Variants in CNOT11 observed in about 807,000 individuals in gnomAD.
The protein encoded by CNOT11 is CCR4-NOT transcription complex subunit 11.
A neutral mutation model predicts 44.6 loss-of-function variants in CNOT11; 18 were observed. That is an observed-to-expected ratio of 0.40 (90% CI 0.28 to 0.60). The LOEUF (loss-of-function observed/expected upper bound fraction) is 0.60, where lower values mean the gene tolerates loss of function less well. CNOT11 is among the 20% of genes least tolerant of loss of function. The pLI, the probability that CNOT11 is intolerant of heterozygous loss-of-function variation, is 0.38. For missense variants in CNOT11, 513 were observed against 677.0 expected (o/e 0.76, Z 2.69); for synonymous variants, 291 against 270.9 (o/e 1.07, Z -0.73).
In CNOT11 at chr2:101,259,568, C is replaced by G. The variant is rs370830902; in HGVS notation, c.679+1613C>G. Among the ~76,000 whole-genome samples the G allele has an allele frequency of 6.6e-5, 10 of 152,294 alleles. No homozygotes were observed. In the East Asian group the frequency reaches 1.5e-3, roughly 24 times the overall value. ...TCAACAGGGAAATTGTAATATGTAG[C>G]TGGGTTTGTGAACCCTTGACTTTGT... On this transcript the variant is annotated intron_variant, in intron 2 of 6. Transcript: ENST00000289382.
chr2:101,253,575 T>G lies in CNOT11; in HGVS notation c.514+97T>G. 1 of 1,098,130 alleles carries G rather than the reference T, an allele frequency of 9.1e-7. No individual in the cohort carries two copies. The highest frequency in any genetic ancestry group is 1.2e-6 in the Non-Finnish European group (1 of 815,378). 68.0% of individuals were successfully genotyped at this position (1,098,130 alleles called of 1,614,324 possible). On this transcript the variant is annotated intron_variant, in intron 1 of 6. Coordinates refer to ENST00000289382, the MANE Select transcript of CNOT11 (RefSeq NM_017546.5). The surrounding 1 kb of genome is among the most constrained non-coding windows in gnomAD (Gnocchi z 4.3). ...ACTCACCTGAAAGGGAAATTAACTA[T>G]CCCTGTGAAATGATCATCCTCTTTT... is the stretch of plus-strand genomic sequence containing the variant.
At chr2:101,262,152 CTTTCT>C (rs1681878724) in intron 2 of CNOT11, among the ~76,000 whole-genome samples, 1 of 150,580 alleles carries the variant, frequency 6.6e-6, no homozygotes. Flanking sequence ...CTGGTGGGTT[CTTTCT>C]TTTTTTAAAA....
At chr2:101,267,251 T>C (rs1208528767) in intron 5 of CNOT11, among the ~76,000 whole-genome samples, 1 of 152,140 alleles carries the variant, frequency 6.6e-6, no homozygotes, top group Non-Finnish European at 1.5e-5. Context: ...GCCGCCCTAG[T>C]AGCTGGCATT....
At chr2:101,265,640 C>T (rs1009921097) in intron 4 of CNOT11, among the ~76,000 whole-genome samples, 3 of 152,122 alleles carry the variant, frequency 2.0e-5, no homozygotes, top group African/African-American at 7.2e-5. Context: ...GGGGGTGTCA[C>T]TGCTGTGTAC....
Position 101,269,669 on chromosome 2 carries a change from C to CA in CNOT11, c.*262dup. The stretch of plus-strand genomic sequence containing the variant: ...AATGGCTATCCCAAAAAAAGTTCCG[C>CA]AAAAAAGTAGATGAGTTTCTTTTTT... On this transcript the variant is annotated 3_prime_UTR_variant, in exon 7 of 7. Coordinates refer to ENST00000289382, the MANE Select transcript of CNOT11 (RefSeq NM_017546.5). This position sits in a 1 kb window ranked among gnomAD's most constrained non-coding sequence, Gnocchi z 4.8. The CA allele has an allele frequency of 3.0e-6, 1 of 330,344 alleles. No individual in the cohort carries two copies. The highest frequency in any genetic ancestry group is 4.8e-5 in the East Asian group (1 of 20,716). 20.5% of individuals were successfully genotyped at this position (330,344 alleles called of 1,614,324 possible). A position where few individuals can be genotyped will look rare whatever the true frequency, so the allele number is the denominator to read the frequency against.
Position 101,266,685 on chromosome 2 carries a change from T to G in CNOT11, c.1044T>G (p.Gly348=). 1.2e-6 allele frequency: 2 copies of G among 1,613,772 alleles called. No homozygotes were observed. Among genetic ancestry groups the G allele is most frequent in the Non-Finnish European group, 1.7e-6 (2 of 1,179,680 alleles). ...LSSPQQTQLL[G]ELEKDPKLVY... The stretch of plus-strand genomic sequence containing the variant: ...AAATCTGGTGTATTTAGCTACTTGG[T>G]GAGTTGGAAAAAGACCCCAAACTTG... Residue 348 remains glycine (G), a synonymous_variant, in exon 5 of 7, where the codon GGT becomes GGG. Coordinates refer to ENST00000289382, the MANE Select transcript of CNOT11 (RefSeq NM_017546.5).
chr2:101,261,937 C>CCCGGGTTCATG (rs1681873691), intron 2 of CNOT11, among the ~76,000 whole-genome samples: 1 of 150,648 alleles, frequency 6.6e-6, no homozygotes, highest in Non-Finnish European at 1.5e-5. Context: ...AGCTCCGCCT[C>CCCGGGTTCATG]CCGGGTTCAT....
chr2:101,254,095 T>C (rs1033074346), intron 1 of CNOT11, among the ~76,000 whole-genome samples: 4 of 152,184 alleles, frequency 2.6e-5, no homozygotes, highest in Admixed American at 6.5e-5. Context: ...ATTGGTGAGA[T>C]CAAACTAGTA....
Position 101,262,580 on chromosome 2 carries a change from C to G in CNOT11, c.721C>G (p.Pro241Ala), listed in dbSNP as rs1681891138. 1 of 1,614,104 alleles carries G rather than the reference C, an allele frequency of 6.2e-7. No homozygotes were observed. The highest frequency in any genetic ancestry group is 8.5e-7 in the Non-Finnish European group (1 of 1,180,006). ...GCCAACGCAAAGCAAAGCGAGCTTC[C>G]CCAGTATTCTCAGTGACCCAGACCC... ...ELPTQSKASF[P>A]SILSDPDPDS... The change falls in exon 3 of 7, where the codon CCC becomes GCC. Residue 241 changes from proline (P) to alanine (A), a missense_variant. Pro to Ala is a conservative substitution (Grantham distance 27). This residue lies in a region of CNOT11 where 140 missense variants were observed against 169.8 expected (regional missense o/e 0.82). Transcript: ENST00000289382.
rs201929864 is a variant in CNOT11 at position 101,253,184 on chromosome 2, A to T, written c.220A>T (p.Ile74Phe). 6.2e-7 allele frequency: 1 copy of T among 1,603,658 alleles called. No homozygotes were observed. Among genetic ancestry groups the T allele is most frequent in the South Asian group, 1.1e-5 (1 of 89,884 alleles). The change falls in exon 1 of 7, where the codon ATC becomes TTC. Residue 74 changes from isoleucine (I) to phenylalanine (F), a missense_variant. This residue lies in a region of CNOT11 where 259 missense variants were observed against 265.7 expected (regional missense o/e 0.97). Coordinates refer to ENST00000289382, the MANE Select transcript of CNOT11 (RefSeq NM_017546.5). This position sits in a 1 kb window ranked among gnomAD's most constrained non-coding sequence, Gnocchi z 4.3. Reference sequence around the variant, plus strand: ...GAAGGAGCTCTCGAGCCTGCTGAGCATCATATCGGAGGAGGCGGGCGGCGG... The same window carrying T: ...GAAGGAGCTCTCGAGCCTGCTGAGCTTCATATCGGAGGAGGCGGGCGGCGG... The part of the protein sequence containing the change: ...TPKELSSLLS[I>F]ISEEAGGGST...
At chr2:101,261,844 C>CTTTTTTTTTTT (rs3044629) in intron 2 of CNOT11, among the ~76,000 whole-genome samples, 29 of 111,848 alleles carry the variant, frequency 2.6e-4, no homozygotes, top group Non-Finnish European at 4.1e-4. Flanking sequence ...TTCTTTCTTT[C>CTTTTTTTTTTT]TTTTTTTTTT....
chr2:101,255,518 G>T (rs1364757711), intron 1 of CNOT11, among the ~76,000 whole-genome samples: 2 of 152,050 alleles, frequency 1.3e-5, no homozygotes, highest in African/African-American at 4.8e-5. Context: ...GTACCTGTGA[G>T]TGTTACCCAC....
At chr2:101,265,093 A>G in intron 4 of CNOT11, 46 bp downstream of exon 4, 1 of 1,330,570 alleles carries the variant, frequency 7.5e-7, no homozygotes, top group Non-Finnish European at 1.0e-6. Flanking sequence ...TTTTAAATTT[A>G]TTTTTAATTA....
At chr2:101,266,612 A>G in intron 4 of CNOT11, 65 bp from the exon 5 acceptor site, 2 of 1,280,756 alleles carry the variant, frequency 1.6e-6, no homozygotes, top group Non-Finnish European at 2.3e-6. Context: ...ATACATGGGA[A>G]AAAAAATTGA....
rs1558770702 is a variant in CNOT11, at chr2:101,269,655, CA to C, written c.*249del. 2.6e-5 allele frequency: 9 copies of C among 347,206 alleles called. No individual in the cohort carries two copies. The highest frequency in any genetic ancestry group is 4.6e-5 in the Admixed American group (1 of 21,886). 21.5% of individuals were successfully genotyped at this position (347,206 alleles called of 1,614,324 possible). Reference sequence around the variant, plus strand: ...CTATCCATAGGAGGAATGGCTATCCCAAAAAAAGTTCCGCAAAAAAGTAGAT... The same window carrying C: ...CTATCCATAGGAGGAATGGCTATCCCAAAAAAGTTCCGCAAAAAAGTAGAT... On this transcript the variant is annotated 3_prime_UTR_variant, in exon 7 of 7. Coordinates refer to ENST00000289382, the MANE Select transcript of CNOT11 (RefSeq NM_017546.5). This position sits in a 1 kb window ranked among gnomAD's most constrained non-coding sequence, Gnocchi z 4.8.
chr2:101,252,925 G>T lies in CNOT11; in HGVS notation c.-40G>T, dbSNP rs890162815. 13 of 1,397,702 alleles carry T rather than the reference G, an allele frequency of 9.3e-6. No homozygotes were observed. The highest frequency in any genetic ancestry group is 1.2e-5 in the Non-Finnish European group (13 of 1,085,938). 86.6% of individuals were successfully genotyped at this position (1,397,702 alleles called of 1,614,324 possible). On this transcript the variant is annotated 5_prime_UTR_variant, in exon 1 of 7. Coordinates refer to ENST00000289382, the MANE Select transcript of CNOT11 (RefSeq NM_017546.5). Reference sequence around the variant, plus strand: ...CGGGGACGGAGCGAGCCGGCGCCAGGGCCCCTCGGGCCGGGAAGAGGGGAA... The same window carrying T: ...CGGGGACGGAGCGAGCCGGCGCCAGTGCCCCTCGGGCCGGGAAGAGGGGAA...
chr2:101,264,975 C>T lies in CNOT11; in HGVS notation c.963C>T (p.Ser321=). The part of the protein sequence containing the change: ...QWDKSMCVKN[S]TGVEIKRIMA... ...ATAAATCGATGTGTGTTAAGAATAG[C>T]ACTGGTGTGGAGATCAAACGAATAA... Residue 321 remains serine, a synonymous_variant, in exon 4 of 7, where the codon AGC becomes AGT. Coordinates refer to ENST00000289382, the MANE Select transcript of CNOT11 (RefSeq NM_017546.5). 1.2e-6 allele frequency: 2 copies of T among 1,614,116 alleles called. No individual in the cohort carries two copies. Among genetic ancestry groups the T allele is most frequent in the African/African-American group, 2.7e-5 (2 of 75,038 alleles).
At chr2:101,266,335 GAAA>G (rs367769063) in intron 4 of CNOT11, among the ~76,000 whole-genome samples, 1 of 148,564 alleles carries the variant, frequency 6.7e-6, no homozygotes, top group Non-Finnish European at 1.5e-5. Context: ...ACAGATGACA[GAAA>G]AAAAAAACCT....
chr2:101,257,912 G>T lies in CNOT11; in HGVS notation c.636G>T (p.Met212Ile). 1 of 1,614,104 alleles carries T rather than the reference G, an allele frequency of 6.2e-7. No homozygotes were observed. Residue 212 changes from methionine to isoleucine, a missense_variant, in exon 2 of 7, where the codon ATG becomes ATT. Coordinates refer to ENST00000289382, the MANE Select transcript of CNOT11 (RefSeq NM_017546.5). Reference sequence around the variant, plus strand: ...TTGCACTGATGGACGTTGGAAACATGGGCCAGTCTGTGGACATTAGTGGGC... The same window carrying T: ...TTGCACTGATGGACGTTGGAAACATTGGCCAGTCTGTGGACATTAGTGGGC... ...RQIALMDVGN[M>I]GQSVDISGLQ...
Sources: allele counts gnomAD v4.1 joint callset (sites outside exome capture counted in the v4.1 genomes callset), GRCh38; gene constraint gnomAD v4.1.1; regional missense constraint gnomAD v4.1.1; non-coding constraint Gnocchi (gnomAD v3.1); transcripts MANE v1.5; gene names NCBI Gene and HGNC (gene_info 2026-07-23, HGNC 2026-07-21).